The following ZNF407 variants were observed in gnomAD, a reference collection of about 807,000 sequenced individuals.
The protein encoded by ZNF407 is zinc finger protein 407.
A neutral mutation model predicts 131.2 loss-of-function variants in ZNF407; 17 were observed. The ratio of observed to expected loss-of-function variants is 0.13; its 90% CI spans 0.09 to 0.19. The LOEUF (loss-of-function observed/expected upper bound fraction) is 0.19, where lower values mean the gene tolerates loss of function less well. ZNF407 is among the 10% of genes least tolerant of loss of function. The pLI, the probability that ZNF407 is intolerant of heterozygous loss-of-function variation, is 1.00. For synonymous variants in ZNF407, 1,156 were observed against 1,062.0 expected, an observed-to-expected ratio of 1.09 and a Z score of -1.72; for missense variants, 2,681 against 2,830.6, an observed-to-expected ratio of 0.95 and a Z score of 1.20.
intron 4 of ZNF407, among the ~76,000 whole-genome samples, chr18:74,797,110 G>A (rs1969934643): frequency 6.6e-6 from 1 of 152,090 alleles, no homozygotes; most frequent in Admixed American, 6.6e-5. Flanking sequence ...GTGTCAGGAG[G>A]CTTTTTTATC....
intron 4 of ZNF407, among the ~76,000 whole-genome samples, chr18:74,808,138 C>T (rs900996114): frequency 2.0e-5 from 3 of 152,034 alleles, no homozygotes; most frequent in African/African-American, 7.2e-5. Context: ...CTCAGTCTCC[C>T]GAGTAGCTGG....
At chr18:74,790,731 T>C (rs1242620894) in intron 4 of ZNF407, among the ~76,000 whole-genome samples, 4 of 152,216 alleles carry the variant, frequency 2.6e-5, no homozygotes, top group Non-Finnish European at 1.5e-5. Context: ...AGTTTCATTA[T>C]ACAGTACTGA....
At chr18:74,710,570 T>C (rs1313813882) in intron 3 of ZNF407, among the ~76,000 whole-genome samples, 1 of 152,230 alleles carries the variant, frequency 6.6e-6, no homozygotes, top group Admixed American at 6.5e-5. Context: ...TTGTCAATAC[T>C]GTCCTCATGG....
At chr18:74,780,866 G>A (rs1438931713) in intron 3 of ZNF407, among the ~76,000 whole-genome samples, 2 of 151,972 alleles carry the variant, frequency 1.3e-5, no homozygotes, top group East Asian at 3.8e-4. Flanking sequence ...AGTATGTCAG[G>A]TAATACTTTT....
At chr18:75,036,717 T>C (rs1159880866) in intron 8 of ZNF407, among the ~76,000 whole-genome samples, 1 of 152,270 alleles carries the variant, frequency 6.6e-6, no homozygotes, top group Admixed American at 6.5e-5. Flanking sequence ...GATTAGCTGG[T>C]ATTTTAACTT....
At chr18:74,772,071 C>T (rs1326762341) in intron 3 of ZNF407, among the ~76,000 whole-genome samples, 1 of 152,120 alleles carries the variant, frequency 6.6e-6, no homozygotes, top group Non-Finnish European at 1.5e-5. Context: ...ATAAAGGTCA[C>T]CAGGCATGAA....
At chr18:74,722,497 T>A (rs1568183057) in intron 3 of ZNF407, among the ~76,000 whole-genome samples, 1 of 152,188 alleles carries the variant, frequency 6.6e-6, no homozygotes, top group Non-Finnish European at 1.5e-5. Context: ...CTGTCAACTT[T>A]GTTACTTTTA....
chr18:74,767,857 G>A (rs1209968892), intron 3 of ZNF407, among the ~76,000 whole-genome samples: 4 of 140,600 alleles, frequency 2.8e-5, no homozygotes, highest in Non-Finnish European at 4.6e-5. Context: ...TAGTAGAGAC[G>A]GGGTTTCACC....
intron 4 of ZNF407, among the ~76,000 whole-genome samples, chr18:74,852,159 C>CATG (rs1344153852): frequency 7.4e-6 from 1 of 134,492 alleles, no homozygotes; most frequent in African/African-American, 2.9e-5. Flanking sequence ...TGCATGGATG[C>CATG]ATGCTACACA....
At position 74,775,735 on chromosome 18, in the gene ZNF407, A is replaced by G. The variant is rs140385672; in HGVS notation, c.4803-5693A>G. On this transcript the variant is annotated intron_variant, in intron 3 of 8. Transcript: ENST00000299687. ...TAAAGAAAGGAGGTTTAATTGGCTCATGGTTCTGCAGCCTGTAGAGGAAGC... is the reference window on the plus strand; with the variant it reads ...TAAAGAAAGGAGGTTTAATTGGCTCGTGGTTCTGCAGCCTGTAGAGGAAGC... 1.7e-3 allele frequency among the ~76,000 whole-genome samples: 256 copies of G among 152,310 alleles called. 1 individual carries two copies. Among genetic ancestry groups the G allele is most frequent in the African/African-American group, 6.0e-3 (249 of 41,572 alleles).
intron 4 of ZNF407, among the ~76,000 whole-genome samples, chr18:74,862,553 A>G (rs889650347): frequency 6.6e-6 from 1 of 152,242 alleles, no homozygotes; most frequent in African/African-American, 2.4e-5. Context: ...CGAAGTACCA[A>G]GATATAAAAT....
intron 8 of ZNF407, among the ~76,000 whole-genome samples, chr18:74,933,089 A>AC (rs1972001577): frequency 6.6e-6 from 1 of 152,212 alleles, no homozygotes; most frequent in East Asian, 1.9e-4. Flanking sequence ...AGGTGTTTGT[A>AC]CACCCATGTT....
At chr18:74,620,170 G>A (rs1309754661) in intron 1 of ZNF407, among the ~76,000 whole-genome samples, 5 of 152,178 alleles carry the variant, frequency 3.3e-5, no homozygotes, top group Non-Finnish European at 7.3e-5. Context: ...AGAGATGGTT[G>A]ATATAAGGTT....
chr18:74,730,987 T>C (rs1968281615), intron 3 of ZNF407, among the ~76,000 whole-genome samples: 1 of 152,202 alleles, frequency 6.6e-6, no homozygotes, highest in South Asian at 2.1e-4. Flanking sequence ...AAAATAACTT[T>C]ATTAAAAGGT....
At chr18:74,866,926 T>A (rs1444744386) in intron 4 of ZNF407, among the ~76,000 whole-genome samples, 1 of 134,648 alleles carries the variant, frequency 7.4e-6, no homozygotes, top group Admixed American at 8.4e-5. Flanking sequence ...GGCTGGAGGA[T>A]CCCTAGAGCC....
chr18:74,755,885 CTTTTTTTTTTTTT>C (rs34750560), intron 3 of ZNF407, among the ~76,000 whole-genome samples: 115 of 25,836 alleles, frequency 4.5e-3, no homozygotes, highest in African/African-American at 0.022. Context: ...CTTTTCCTTC[CTTTTTTTTTTTTT>C]TTTTTTTTTT....
At chr18:74,762,744 T>A (rs756620152) in intron 3 of ZNF407, among the ~76,000 whole-genome samples, 1 of 152,114 alleles carries the variant, frequency 6.6e-6, no homozygotes, top group African/African-American at 2.4e-5. Context: ...GATTTTAGAT[T>A]TTTTCTTTTT....
intron 7 of ZNF407, among the ~76,000 whole-genome samples, chr18:74,916,341 AGTGT>A (rs369340222): frequency 1.4e-4 from 5 of 35,880 alleles, no homozygotes; most frequent in Non-Finnish European, 1.9e-4. Flanking sequence ...TCGAATCGGG[AGTGT>A]GTGTGTGTGT....
At chr18:74,860,281 A>C (rs1329822297) in intron 4 of ZNF407, among the ~76,000 whole-genome samples, 1 of 151,796 alleles carries the variant, frequency 6.6e-6, no homozygotes, top group Non-Finnish European at 1.5e-5. Context: ...TTGGCAGCAA[A>C]GCAAGACCCC....
Sources: gnomAD v4.1 joint callset for allele counts (sites outside exome capture counted in the v4.1 genomes callset) on GRCh38, gnomAD v4.1.1 for gene constraint, MANE v1.5 for transcripts, NCBI Gene and HGNC (gene_info 2026-07-23, HGNC 2026-07-21) for gene names.